DLG2: variants seen among roughly 807,000 people sequenced by gnomAD.
DLG2 encodes discs large MAGUK scaffold protein 2.
A neutral mutation model predicts 132.5 loss-of-function variants in DLG2; 45 were observed. That is an observed-to-expected ratio of 0.34 (90% CI 0.27 to 0.44). The LOEUF is 0.44. DLG2 is among the 20% of genes least tolerant of loss of function. DLG2 has a pLI of 1.00. For missense variants in DLG2, 1,045 were observed against 1,196.9 expected, an observed-to-expected ratio of 0.87 and a Z score of 1.87; for synonymous variants, 424 against 419.6, an observed-to-expected ratio of 1.01 and a Z score of -0.13.
chr11:83,570,783 C>T (rs369841023), intron 19 of DLG2, among the ~76,000 whole-genome samples: 1 of 151,906 alleles, frequency 6.6e-6, no homozygotes, highest in African/African-American at 2.4e-5. Context: ...GTCCAAGAAG[C>T]TTGAAAAGAA....
At chr11:83,529,575 C>T (rs1462035404) in intron 21 of DLG2, among the ~76,000 whole-genome samples, 1 of 149,000 alleles carries the variant, frequency 6.7e-6, no homozygotes, top group Non-Finnish European at 1.5e-5. Flanking sequence ...TCATGGCACT[C>T]TTTTTTTTTT....
intron 6 of DLG2, among the ~76,000 whole-genome samples, chr11:84,818,948 G>A (rs1295715918): frequency 5.9e-5 from 8 of 136,110 alleles, no homozygotes. Flanking sequence ...CATCATTGCT[G>A]AGATCAGCCA....
intron 8 of DLG2, among the ~76,000 whole-genome samples, chr11:84,242,947 A>C (rs545812573): frequency 6.6e-6 from 1 of 151,298 alleles, no homozygotes; most frequent in Admixed American, 6.6e-5. Context: ...GAGGAAATTA[A>C]ACCAACACAC....
At chr11:84,546,187 TA>T (rs2099389442) in intron 6 of DLG2, among the ~76,000 whole-genome samples, 1 of 152,150 alleles carries the variant, frequency 6.6e-6, no homozygotes, top group Non-Finnish European at 1.5e-5. Context: ...GATTGGATCA[TA>T]GGGGTGGTTT....
chr11:85,007,883 A>T (rs1391265249), intron 6 of DLG2, among the ~76,000 whole-genome samples: 2 of 152,012 alleles, frequency 1.3e-5, no homozygotes, highest in Admixed American at 6.6e-5. Flanking sequence ...TGTGATTGAA[A>T]TTATGTCTAC....
intron 3 of DLG2, among the ~76,000 whole-genome samples, chr11:85,460,953 G>C (rs1380941792): frequency 1.3e-5 from 2 of 152,154 alleles, no homozygotes; most frequent in East Asian, 3.8e-4. Context: ...TGGCTTATTT[G>C]TTGGTTTGAT....
At chr11:85,336,363 T>TC (rs1030326457) in intron 3 of DLG2, 2 of 152,588 alleles carry the variant, frequency 1.3e-5, no homozygotes, top group Non-Finnish European at 1.5e-5. Flanking sequence ...GCCATTGAGA[T>TC]CCCCCCCTGC....
chr11:84,130,540 A>G (rs1418637536), intron 9 of DLG2, among the ~76,000 whole-genome samples: 35 of 124,126 alleles, frequency 2.8e-4, no homozygotes, highest in South Asian at 4.7e-4. Context: ...GTGTGTGTGT[A>G]TATATATATA....
intron 6 of DLG2, chr11:84,923,294 G>A: frequency 6.9e-7 from 1 of 1,442,218 alleles, no homozygotes; most frequent in Non-Finnish European, 9.1e-7. Flanking sequence ...GGCACTGAGT[G>A]AGAGCTCAAA....
At chr11:83,606,436 A>ATAGTGAAAGATGCATCAGAGG (rs1299581212) in intron 19 of DLG2, among the ~76,000 whole-genome samples, 4 of 152,200 alleles carry the variant, frequency 2.6e-5, no homozygotes, top group Non-Finnish European at 5.9e-5. Flanking sequence ...CAATCTTATC[A>ATAGTGAAAGATGCATCAGAGG]TAGTGAAAGA....
intron 7 of DLG2, among the ~76,000 whole-genome samples, chr11:84,334,500 T>C (rs1367271076): frequency 6.6e-6 from 1 of 152,228 alleles, no homozygotes; most frequent in Non-Finnish European, 1.5e-5. Flanking sequence ...TGAAAGGTAA[T>C]GTCACTTTTT....
intron 6 of DLG2, among the ~76,000 whole-genome samples, chr11:84,594,122 A>T (rs1408049436): frequency 6.6e-6 from 1 of 152,206 alleles, no homozygotes; most frequent in Non-Finnish European, 1.5e-5. Flanking sequence ...TCCTTAGAAT[A>T]GGAAATAATT....
At chr11:84,092,989 T>C (rs527607629) in intron 10 of DLG2, among the ~76,000 whole-genome samples, 1 of 150,328 alleles carries the variant, frequency 6.7e-6, no homozygotes, top group Non-Finnish European at 1.5e-5. Flanking sequence ...TGAGCCGAGA[T>C]TGCGCCACTG....
Position 84,268,460 on chromosome 11 carries a change from CT to C in DLG2, c.520-17170del, listed in dbSNP as rs145806678. ...TGACTGTGGGAAAGGTACTTCACCT[CT>C]TTTTTTTTTTTTTTTTTTGAGACAG... On this transcript the variant is annotated intron_variant, in intron 7 of 27. Coordinates refer to ENST00000376104, the MANE Select transcript of DLG2 (RefSeq NM_001142699.3). Among the ~76,000 whole-genome samples the C allele has an allele frequency of 6.1e-3, 731 of 119,196 alleles. 5 individuals are homozygous for C. Among genetic ancestry groups the C allele is most frequent in the African/African-American group, 0.015 (484 of 31,554 alleles). 78.2% of individuals were successfully genotyped at this position (119,196 alleles called of 152,430 possible).
intron 3 of DLG2, among the ~76,000 whole-genome samples, chr11:85,572,681 G>A (rs1425464141): frequency 6.6e-6 from 1 of 152,152 alleles, no homozygotes; most frequent in East Asian, 1.9e-4. Context: ...AACATGAGAT[G>A]AATGCAGGAA....
At chr11:83,754,449 G>C (rs1292147757) in intron 18 of DLG2, among the ~76,000 whole-genome samples, 1 of 151,228 alleles carries the variant, frequency 6.6e-6, no homozygotes, top group Non-Finnish European at 1.5e-5. Context: ...CCTATATTTA[G>C]GACTCCCATT....
At chr11:85,020,016 A>G (rs985693721) in intron 6 of DLG2, among the ~76,000 whole-genome samples, 28 of 152,204 alleles carry the variant, frequency 1.8e-4, no homozygotes, top group East Asian at 1.5e-3. Context: ...TGGTATTTCT[A>G]CTTCTAGATC....
chr11:84,495,473 G>A (rs980438422), intron 7 of DLG2, among the ~76,000 whole-genome samples: 3 of 151,990 alleles, frequency 2.0e-5, no homozygotes, highest in Admixed American at 6.6e-5. Flanking sequence ...CATTTTACAT[G>A]TATGTCTCCT....
At chr11:85,294,123 A>G (rs2079078866) in intron 3 of DLG2, among the ~76,000 whole-genome samples, 1 of 152,116 alleles carries the variant, frequency 6.6e-6, no homozygotes, top group South Asian at 2.1e-4. Flanking sequence ...ATATATGTGT[A>G]TATGTGTGTA....
Sources: allele counts gnomAD v4.1 joint callset (sites outside exome capture counted in the v4.1 genomes callset), GRCh38; gene constraint gnomAD v4.1.1; transcripts MANE v1.5; gene names NCBI Gene and HGNC (gene_info 2026-07-23, HGNC 2026-07-21).